CCNK: variants seen among roughly 807,000 people sequenced by gnomAD.
CCNK encodes cyclin K, also known as cyclin-K.
CCNK carries 9 observed loss-of-function variants against 65.0 expected under a neutral mutation model. That is an observed-to-expected ratio of 0.14 (90% CI 0.08 to 0.24). The LOEUF (loss-of-function observed/expected upper bound fraction) is 0.24. Ranked by LOEUF, CCNK falls within the 10% of genes least tolerant of loss-of-function variation. The probability of loss-of-function intolerance (pLI) is 1.00; values close to 1 mark genes in which losing one functional copy is unlikely to be tolerated. For synonymous variants in CCNK, 279 were observed against 270.8 expected, an observed-to-expected ratio of 1.03 and a Z score of -0.30; for missense variants, 474 against 720.0, an observed-to-expected ratio of 0.66 and a Z score of 3.91.
At chr14:99,490,526 T>C (rs567747263) in intron 1 of CCNK, among the ~76,000 whole-genome samples, 1 of 152,348 alleles carries the variant, frequency 6.6e-6, no homozygotes, top group East Asian at 1.9e-4. Flanking sequence ...AAGGCAAAGC[T>C]GTATAAAAAG....
chr14:99,502,663 A>G, intron 7 of CCNK, 56 bp from the exon 8 acceptor site: 1 of 1,533,306 alleles, frequency 6.5e-7, no homozygotes. Flanking sequence ...TTATCCAGGT[A>G]AAATTTTATT....
At chr14:99,494,821 C>A (rs998691240) in intron 3 of CCNK, 3 of 152,332 alleles carry the variant, frequency 2.0e-5, no homozygotes, top group African/African-American at 7.2e-5. Context: ...AAGGTGCTGG[C>A]AGATTCTGTG....
At chr14:99,493,209 C>T in intron 2 of CCNK, 1 of 424,392 alleles carries the variant, frequency 2.4e-6, no homozygotes, top group African/African-American at 2.0e-5. Context: ...TCGAGACCAA[C>T]CTGGGCTGCA....
rs773413663 is a variant in CCNK at position 99,500,861 on chromosome 14, G to A, written c.507G>A (p.Lys169=). 91 of 1,532,650 alleles carry A rather than the reference G, an allele frequency of 5.9e-5. No individual in the cohort carries two copies. The highest frequency in any genetic ancestry group is 7.9e-5 in the Non-Finnish European group (89 of 1,133,736). The allele number at this position is 1,532,650 out of a possible 1,614,324, so 94.9% of individuals were successfully genotyped here. A position where few individuals can be genotyped will look rare whatever the true frequency, so the allele number is the denominator to read the frequency against. Residue 169 remains lysine, a synonymous_variant, in exon 5 of 11, where the codon AAG becomes AAA. Transcript: ENST00000389879. The part of the protein sequence containing the change: ...HPYQFLLKYA[K]QLKGDKNKIQ... ...ACCAGTTCCTACTAAAATATGCAAA[G>A]CAACTCAAAGGTAAGAAGAAAGTTT... is the stretch of plus-strand genomic sequence containing the variant.
intron 2 of CCNK, 101 bp downstream of exon 2, chr14:99,492,975 C>G: frequency 1.0e-6 from 1 of 957,494 alleles, no homozygotes; most frequent in Non-Finnish European, 1.5e-6. Flanking sequence ...TTTCTCTGTA[C>G]CAGAGCAGTT....
At chr14:99,489,030 G>C (rs1389522129) in intron 1 of CCNK, among the ~76,000 whole-genome samples, 2 of 151,380 alleles carry the variant, frequency 1.3e-5, no homozygotes, top group Admixed American at 6.6e-5. Flanking sequence ...AAAGAAACCT[G>C]CTTCCTTTTA....
chr14:99,500,538 A>AT (rs995676047), intron 4 of CCNK: 212 of 453,218 alleles, frequency 4.7e-4, no homozygotes, highest in East Asian at 8.4e-4. Flanking sequence ...TGTTTTCAGT[A>AT]TTTTTTTTTA....
rs1252072394 is a variant in CCNK, at chr14:99,510,917, C to G, written c.*135C>G. ...AGTATGGGAAGAATGGACCGGGCCC[C>G]TGGGATAAAATCAGAGTGGTCCTCA... On this transcript the variant is annotated 3_prime_UTR_variant, in exon 11 of 11. Transcript: ENST00000389879. The G allele has an allele frequency of 1.8e-5, 14 of 799,004 alleles. 1 individual carries two copies. Among genetic ancestry groups the G allele is most frequent in the Non-Finnish European group, 2.4e-5 (14 of 579,190 alleles). The allele number at this position is 799,004 out of a possible 1,614,324, so 49.5% of individuals were successfully genotyped here.
intron 9 of CCNK, chr14:99,505,856 C>T (rs2139878444): frequency 6.6e-6 from 1 of 152,348 alleles, no homozygotes; most frequent in East Asian, 1.9e-4. Context: ...GACCCTGTCT[C>T]AAAAAATAAA....
intron 2 of CCNK, among the ~76,000 whole-genome samples, 169 bp from the exon 3 acceptor site, chr14:99,493,345 T>A (rs1896633969): frequency 6.6e-6 from 1 of 152,264 alleles, no homozygotes; most frequent in African/African-American, 2.4e-5. Flanking sequence ...TTGCTAATTC[T>A]TGTACCAGAA....
At chr14:99,496,628 T>G (rs536950611) in intron 4 of CCNK, among the ~76,000 whole-genome samples, 1 of 151,834 alleles carries the variant, frequency 6.6e-6, no homozygotes, top group African/African-American at 2.4e-5. Flanking sequence ...GAGAATGGCA[T>G]GAACCCGGGA....
chr14:99,510,377 C>T lies in CCNK; in HGVS notation c.1338C>T (p.Ser446=), dbSNP rs1363849142. ...SSYMSGEGYQ[S]LQSMMKTEGP... is the part of the protein sequence containing the mutation. ...ACATGTCTGGAGAGGGCTACCAGAGCCTGCAGTCCATGATGAAGACCGAGG... is the reference window on the plus strand; with the variant it reads ...ACATGTCTGGAGAGGGCTACCAGAGTCTGCAGTCCATGATGAAGACCGAGG... Residue 446 remains serine (S), a synonymous_variant, in exon 11 of 11, where the codon AGC becomes AGT. Coordinates refer to ENST00000389879, the MANE Select transcript of CCNK (RefSeq NM_001099402.2). 3.8e-6 allele frequency: 6 copies of T among 1,580,654 alleles called. No homozygotes were observed. The highest frequency in any genetic ancestry group is 5.1e-6 in the Non-Finnish European group (6 of 1,165,054).
At chr14:99,486,711 C>T (rs111308240) in intron 1 of CCNK, among the ~76,000 whole-genome samples, 307 of 152,244 alleles carry the variant, frequency 2.0e-3, no homozygotes, top group Non-Finnish European at 3.7e-3. Context: ...CCATTCTTTG[C>T]CTCATGGCCA....
intron 4 of CCNK, among the ~76,000 whole-genome samples, chr14:99,496,634 C>T (rs894448108): frequency 2.0e-5 from 3 of 151,794 alleles, no homozygotes; most frequent in African/African-American, 4.8e-5. Context: ...GGCATGAACC[C>T]GGGAGGCGGA....
chr14:99,503,543 G>A, intron 8 of CCNK, 68 bp from the exon 9 acceptor site: 1 of 1,381,922 alleles, frequency 7.2e-7, no homozygotes, highest in Middle Eastern at 1.8e-4. Flanking sequence ...GTGGTACCTG[G>A]ATAATCCATT....
Position 99,502,868 on chromosome 14 carries a change from C to T in CCNK, c.895C>T (p.Pro299Ser). ...GTCACAGCCGTCTCAAAGCTCCGAA[C>T]CATCCCAGCCCCAGCAGAAGGACCC... The part of the protein sequence containing the change: ...QQSQPSQSSE[P>S]SQPQQKDPQQ... Residue 299 changes from proline to serine, a missense_variant, in exon 8 of 11, where the codon CCA (proline) becomes TCA (serine). By Grantham distance (74) the Pro-to-Ser change is moderately conservative. Around this residue, in one of 6 missense-constraint regions of CCNK, gnomAD observed 229 missense variants for 275.5 expected, o/e 0.83. Coordinates refer to ENST00000389879, the MANE Select transcript of CCNK (RefSeq NM_001099402.2). 1 of 1,613,060 alleles carries T rather than the reference C, an allele frequency of 6.2e-7. No individual in the cohort carries two copies. The highest frequency in any genetic ancestry group is 8.5e-7 in the Non-Finnish European group (1 of 1,179,354).
At chr14:99,482,078 A>T (rs1896349358) in intron 1 of CCNK, among the ~76,000 whole-genome samples, 1 of 152,184 alleles carries the variant, frequency 6.6e-6, no homozygotes, top group African/African-American at 2.4e-5. Flanking sequence ...AGAAAATTGG[A>T]GCGTAAGTCT....
intron 1 of CCNK, among the ~76,000 whole-genome samples, chr14:99,486,573 C>G (rs1052460859): frequency 2.0e-5 from 3 of 152,234 alleles, no homozygotes; most frequent in Non-Finnish European, 2.9e-5. Flanking sequence ...TAAAGTTCTT[C>G]AAGCTTAGTA....
At chr14:99,503,378 T>G in intron 8 of CCNK, 4 of 602,270 alleles carry the variant, frequency 6.6e-6, no homozygotes, top group Non-Finnish European at 1.2e-5. Flanking sequence ...GAACTCACCA[T>G]TCAGGAAAGC....
Sources: gnomAD v4.1 joint callset for allele counts (sites outside exome capture counted in the v4.1 genomes callset) on GRCh38, gnomAD v4.1.1 for gene constraint, gnomAD v4.1.1 regional missense constraint, MANE v1.5 for transcripts, NCBI Gene and HGNC (gene_info 2026-07-23, HGNC 2026-07-21) for gene names.